The following CAMKMT variants were observed in gnomAD, a reference collection of about 807,000 sequenced individuals.
CAMKMT encodes the protein CaM KMT.
CAMKMT carries 53 observed loss-of-function variants against 48.0 expected under a neutral mutation model. The observed-to-expected ratio is 1.10, with a 90% CI of 0.89 to 1.39. The LOEUF (loss-of-function observed/expected upper bound fraction) is 1.39, where lower values mean the gene tolerates loss of function less well. CAMKMT is among the 40% of genes most tolerant of loss of function. CAMKMT has a pLI of 0.00. For synonymous variants in CAMKMT, 165 were observed against 152.3 expected (o/e 1.08, Z -0.61); for missense variants, 428 against 402.7 (o/e 1.06, Z -0.54).
chr2:44,449,480 A>G (rs1667179298), intron 3 of CAMKMT, among the ~76,000 whole-genome samples: 1 of 151,986 alleles, frequency 6.6e-6, no homozygotes, highest in Non-Finnish European at 1.5e-5. Flanking sequence ...TCGGTTTTTT[A>G]TATCTCAGTA....
At chr2:44,373,240 C>G (rs1040087422) in intron 2 of CAMKMT, among the ~76,000 whole-genome samples, 1 of 152,092 alleles carries the variant, frequency 6.6e-6, no homozygotes, top group Non-Finnish European at 1.5e-5. Flanking sequence ...TCCAAACTAC[C>G]CTTCAAGTAA....
intron 3 of CAMKMT, among the ~76,000 whole-genome samples, chr2:44,499,391 T>C (rs368368454): frequency 2.6e-4 from 39 of 152,338 alleles, no homozygotes; most frequent in African/African-American, 7.5e-4. Flanking sequence ...TGTTTGATCA[T>C]TTAAAATTAA....
intron 3 of CAMKMT, among the ~76,000 whole-genome samples, chr2:44,645,701 A>G (rs987549232): frequency 2.0e-5 from 3 of 152,082 alleles, no homozygotes; most frequent in African/African-American, 7.2e-5. Context: ...GGTGCCTGTA[A>G]TCCAAGCTAC....
chr2:44,679,754 C>G (rs1675913936), intron 3 of CAMKMT, among the ~76,000 whole-genome samples: 1 of 152,214 alleles, frequency 6.6e-6, no homozygotes, highest in South Asian at 2.1e-4. Context: ...TACCTCTGCT[C>G]TATTATCAGC....
At chr2:44,647,663 C>T (rs144811082) in intron 3 of CAMKMT, among the ~76,000 whole-genome samples, 1,553 of 151,820 alleles carry the variant, frequency 0.01, 7 homozygotes, top group Non-Finnish European at 0.016. Flanking sequence ...CCTAGCACTT[C>T]GGGAGGCTGA....
intron 3 of CAMKMT, among the ~76,000 whole-genome samples, chr2:44,418,623 A>G (rs1683728400): frequency 6.6e-6 from 1 of 152,182 alleles, no homozygotes; most frequent in Non-Finnish European, 1.5e-5. Context: ...CAATGGCACT[A>G]CATTGTCATG....
rs577312266 is a variant in CAMKMT at position 44,422,141 on chromosome 2, C to T, written c.376+31836C>T. 5.6e-4 allele frequency among the ~76,000 whole-genome samples: 85 copies of T among 152,218 alleles called. 1 individual carries two copies. Among genetic ancestry groups the T allele is most frequent in the African/African-American group, 2.0e-3 (81 of 41,528 alleles). ...TGGAGTCCTCATTGCTTGGTGCCGT[C>T]CTTGTAATAGTGAGTACTTACAGAA... On this transcript the variant is annotated intron_variant, in intron 3 of 10. Coordinates refer to ENST00000378494, the MANE Select transcript of CAMKMT (RefSeq NM_024766.5).
At chr2:44,396,657 A>G (rs755841795) in intron 3 of CAMKMT, among the ~76,000 whole-genome samples, 8 of 151,952 alleles carry the variant, frequency 5.3e-5, no homozygotes, top group Non-Finnish European at 1.0e-4. Context: ...GGGTAGGTAA[A>G]TTAATTCTAC....
intron 3 of CAMKMT, among the ~76,000 whole-genome samples, chr2:44,522,867 A>G (rs1484910126): frequency 1.3e-5 from 2 of 152,194 alleles, no homozygotes; most frequent in African/African-American, 4.8e-5. Flanking sequence ...TAAGCCAGGT[A>G]GCACTTCCAG....
At chr2:44,498,841 T>G (rs1669877385) in intron 3 of CAMKMT, among the ~76,000 whole-genome samples, 1 of 152,180 alleles carries the variant, frequency 6.6e-6, no homozygotes, top group Non-Finnish European at 1.5e-5. Flanking sequence ...CCAAATGAGA[T>G]TGGTCTCTTT....
chr2:44,731,456 C>T (rs892898589), intron 7 of CAMKMT, among the ~76,000 whole-genome samples: 5 of 152,056 alleles, frequency 3.3e-5, no homozygotes, highest in African/African-American at 1.2e-4. Context: ...TTCTTTAAAC[C>T]TCTATAGGGA....
At chr2:44,664,659 A>C (rs2104097384) in intron 3 of CAMKMT, among the ~76,000 whole-genome samples, 1 of 152,394 alleles carries the variant, frequency 6.6e-6, no homozygotes, top group Non-Finnish European at 1.5e-5. Context: ...GCTAGAATGT[A>C]AAGATAAAAG....
chr2:44,522,553 T>C (rs1490054858), intron 3 of CAMKMT, among the ~76,000 whole-genome samples: 1 of 152,202 alleles, frequency 6.6e-6, no homozygotes. Context: ...TCAGAAGTTC[T>C]TTTGTCTGTC....
At chr2:44,695,759 C>T (rs1256783790) in intron 3 of CAMKMT, among the ~76,000 whole-genome samples, 1 of 152,088 alleles carries the variant, frequency 6.6e-6, no homozygotes, top group African/African-American at 2.4e-5. Context: ...TATGAGAAAG[C>T]CAGCAGTTGG....
intron 3 of CAMKMT, among the ~76,000 whole-genome samples, chr2:44,568,062 TG>T (rs1451973602): frequency 4.8e-5 from 4 of 83,914 alleles, no homozygotes; most frequent in African/African-American, 1.8e-4. Context: ...GGGGCCAGGG[TG>T]GGGGTGGGTG....
intron 3 of CAMKMT, among the ~76,000 whole-genome samples, chr2:44,473,203 G>A (rs1037269342): frequency 6.6e-6 from 1 of 152,044 alleles, no homozygotes; most frequent in African/African-American, 2.4e-5. Context: ...GCCAACATAT[G>A]TTTTTTTGTG....
intron 3 of CAMKMT, among the ~76,000 whole-genome samples, chr2:44,460,062 G>C (rs1283784224): frequency 6.6e-6 from 1 of 152,180 alleles, no homozygotes; most frequent in Non-Finnish European, 1.5e-5. Context: ...ATAGTTAACT[G>C]ACTGTGATTC....
intron 3 of CAMKMT, among the ~76,000 whole-genome samples, chr2:44,680,191 G>A (rs1350467466): frequency 3.3e-5 from 5 of 152,124 alleles, no homozygotes; most frequent in Non-Finnish European, 7.4e-5. Flanking sequence ...AAATGATTGT[G>A]GTAGTTCCCT....
intron 3 of CAMKMT, among the ~76,000 whole-genome samples, chr2:44,538,958 CTGTGTGTGTGTG>C (rs57970764): frequency 0.077 from 10,730 of 140,158 alleles, 457 homozygotes; most frequent in Admixed American, 0.16. Flanking sequence ...GTGTGTGTGT[CTGTGTGTGTGTG>C]TGTGTGTGTG....
Sources: gnomAD v4.1 joint callset for allele counts (sites outside exome capture counted in the v4.1 genomes callset) on GRCh38, gnomAD v4.1.1 for gene constraint, MANE v1.5 for transcripts, NCBI Gene and HGNC (gene_info 2026-07-23, HGNC 2026-07-21) for gene names.